ANTXR1: variants seen among roughly 807,000 people sequenced by gnomAD.
The protein encoded by ANTXR1 is anthrax toxin receptor 1.
In ANTXR1, 19 loss-of-function variants were observed where a neutral mutation model predicts 78.1. That is an observed-to-expected ratio of 0.24 (90% CI 0.17 to 0.36). The LOEUF (loss-of-function observed/expected upper bound fraction) is 0.36. Among genes scored for constraint, ANTXR1 ranks in the 10% least tolerant of loss-of-function variants. The probability of loss-of-function intolerance (pLI) is 1.00; values close to 1 mark genes in which losing one functional copy is unlikely to be tolerated. For synonymous variants in ANTXR1, 273 were observed against 260.5 expected, an observed-to-expected ratio of 1.05 and a Z score of -0.46; for missense variants, 518 against 718.6, an observed-to-expected ratio of 0.72 and a Z score of 3.19.
At chr2:69,026,410 C>T (rs763987228) in intron 1 of ANTXR1, among the ~76,000 whole-genome samples, 2 of 152,174 alleles carry the variant, frequency 1.3e-5, no homozygotes, top group Non-Finnish European at 2.9e-5. Flanking sequence ...CTCAGAACAG[C>T]GTTGGCCACA....
At chr2:69,153,966 A>G (rs1673463692) in intron 13 of ANTXR1, among the ~76,000 whole-genome samples, 1 of 152,186 alleles carries the variant, frequency 6.6e-6, no homozygotes, top group Non-Finnish European at 1.5e-5. Context: ...GGTGAAGACT[A>G]TAAAGGAGTG....
chr2:69,139,720 G>C (rs1003611207), intron 12 of ANTXR1, among the ~76,000 whole-genome samples: 12 of 152,130 alleles, frequency 7.9e-5, no homozygotes, highest in Non-Finnish European at 1.6e-4. Flanking sequence ...GTATATTGTA[G>C]GTGGTGTTTA....
At chr2:69,142,592 A>G (rs140593137) in intron 12 of ANTXR1, among the ~76,000 whole-genome samples, 2 of 152,328 alleles carry the variant, frequency 1.3e-5, no homozygotes, top group Non-Finnish European at 2.9e-5. Context: ...TGTCCATTTT[A>G]TGCTCTTGTT....
chr2:69,241,797 C>T (rs1023439766), intron 17 of ANTXR1, among the ~76,000 whole-genome samples: 13 of 152,146 alleles, frequency 8.5e-5, no homozygotes, highest in African/African-American at 3.1e-4. Context: ...ATTGTGTCTG[C>T]GCATCCCCAC....
Position 69,247,449 on chromosome 2 carries a change from G to C in ANTXR1, c.*1964G>C, listed in dbSNP as rs532535675. The stretch of plus-strand genomic sequence containing the variant: ...CCTTCTCCCACAGCTGCCTACAACA[G>C]AGTCTCCCAGCCTTCTCAGAGAGCT... On this transcript the variant is annotated 3_prime_UTR_variant, in exon 18 of 18. Transcript: ENST00000303714. 2 of 152,952 alleles carry C rather than the reference G, an allele frequency of 1.3e-5. No individual in the cohort carries two copies. The highest frequency in any genetic ancestry group is 2.4e-5 in the African/African-American group (1 of 41,406). The allele number at this position is 152,952 out of a possible 1,614,324, so 9.5% of individuals were successfully genotyped here.
chr2:69,101,758 CCT>C (rs1257059867), intron 9 of ANTXR1, among the ~76,000 whole-genome samples: 1 of 152,148 alleles, frequency 6.6e-6, no homozygotes, highest in African/African-American at 2.4e-5. Context: ...TGCATTTTTT[CCT>C]CTGACCTTCA....
chr2:69,177,485 G>T (rs916975442), intron 14 of ANTXR1, among the ~76,000 whole-genome samples: 1 of 152,182 alleles, frequency 6.6e-6, no homozygotes, highest in Non-Finnish European at 1.5e-5. Flanking sequence ...AGGTCAGAAG[G>T]GGCCTCTACC....
At chr2:69,013,159 T>C (rs184855379), upstream of ANTXR1, 1,757 of 119,824 alleles carry the variant, frequency 0.015, 48 homozygotes, top group African/African-American at 0.055. The surrounding 1 kb of genome is among the most constrained non-coding windows in gnomAD (Gnocchi z 5.0). Context: ...ATTTAAAATC[T>C]GGGACAAAGA....
chr2:69,221,495 T>A (rs1249607948), intron 17 of ANTXR1, among the ~76,000 whole-genome samples: 1 of 152,134 alleles, frequency 6.6e-6, no homozygotes. Context: ...AGCATCTTAG[T>A]TCTGAGACCC....
chr2:69,173,429 A>G (rs373913146), intron 14 of ANTXR1, among the ~76,000 whole-genome samples: 1 of 152,232 alleles, frequency 6.6e-6, no homozygotes, highest in Non-Finnish European at 1.5e-5. Flanking sequence ...ACCATAGATC[A>G]TCAGTCACAG....
intron 12 of ANTXR1, among the ~76,000 whole-genome samples, chr2:69,151,373 G>A (rs554627344): frequency 1.7e-4 from 26 of 152,128 alleles, no homozygotes; most frequent in Admixed American, 3.9e-4. Flanking sequence ...CCCAGTAGCT[G>A]TAGGGAGGCA....
chr2:69,219,382 A>AGGAC (rs1468717358), intron 17 of ANTXR1, among the ~76,000 whole-genome samples: 26 of 51,348 alleles, frequency 5.1e-4, no homozygotes, highest in Non-Finnish European at 1.0e-3. Flanking sequence ...CACCAGAAGG[A>AGGAC]GGACACACAC....
chr2:69,172,560 A>G, intron 14 of ANTXR1: 1 of 1,368,096 alleles, frequency 7.3e-7, no homozygotes, highest in Non-Finnish European at 9.4e-7. Context: ...GAAATCAAAC[A>G]CTCTCTGCCG....
intron 14 of ANTXR1, among the ~76,000 whole-genome samples, chr2:69,173,620 T>C (rs1352586633): frequency 1.3e-5 from 2 of 152,190 alleles, no homozygotes; most frequent in African/African-American, 2.4e-5. Context: ...TCTCATTAAA[T>C]ACTATCAAAA....
At chr2:69,025,401 A>G (rs1420003416) in intron 1 of ANTXR1, among the ~76,000 whole-genome samples, 2 of 152,306 alleles carry the variant, frequency 1.3e-5, no homozygotes, top group Non-Finnish European at 2.9e-5. Flanking sequence ...TGTTTGTCCT[A>G]TGGGGTTTCA....
At chr2:69,102,985 A>T (rs767650116) in intron 10 of ANTXR1, 45 bp downstream of exon 10, 2 of 1,571,930 alleles carry the variant, frequency 1.3e-6, no homozygotes, top group African/African-American at 2.7e-5. Context: ...AAGTGGCTTC[A>T]AGGAAGGGAA....
At chr2:69,210,416 C>T (rs1421967293) in intron 17 of ANTXR1, among the ~76,000 whole-genome samples, 11 of 152,176 alleles carry the variant, frequency 7.2e-5, no homozygotes, top group Admixed American at 3.9e-4. Flanking sequence ...ATTCCAAAAT[C>T]GTGTCAGTGG....
chr2:69,223,577 C>T (rs540259333), intron 17 of ANTXR1, among the ~76,000 whole-genome samples: 4 of 152,230 alleles, frequency 2.6e-5, no homozygotes, highest in East Asian at 3.9e-4. Flanking sequence ...GGGAGGTCAC[C>T]GATGAAGCTT....
At chr2:69,189,224 G>A (rs1674495131) in intron 16 of ANTXR1, among the ~76,000 whole-genome samples, 1 of 152,232 alleles carries the variant, frequency 6.6e-6, no homozygotes, top group Admixed American at 6.5e-5. Flanking sequence ...CCTGGAACTA[G>A]CTAATCTCGC....
Sources: allele counts gnomAD v4.1 joint callset (sites outside exome capture counted in the v4.1 genomes callset), GRCh38; gene constraint gnomAD v4.1.1; non-coding constraint Gnocchi (gnomAD v3.1); transcripts MANE v1.5; gene names NCBI Gene and HGNC (gene_info 2026-07-23, HGNC 2026-07-21).